ABCA6: variants seen among roughly 807,000 people sequenced by gnomAD.
ABCA6 encodes the protein ATP-binding cassette sub-family A member 6.
A neutral mutation model predicts 191.2 loss-of-function variants in ABCA6; 164 were observed. That is an observed-to-expected ratio of 0.86 (90% CI 0.76 to 0.98). The LOEUF is 0.98. Among genes scored for constraint, ABCA6 ranks in the 50% least tolerant of loss-of-function variants. ABCA6 has a pLI of 0.00. For missense variants in ABCA6, 1,958 were observed against 1,894.1 expected, an observed-to-expected ratio of 1.03 and a Z score of -0.63; for synonymous variants, 636 against 647.7, an observed-to-expected ratio of 0.98 and a Z score of 0.27.
At chr17:69,107,888 A>G in intron 17 of ABCA6, 76 bp from the exon 18 acceptor site, 1 of 868,752 alleles carries the variant, frequency 1.2e-6, no homozygotes. Context: ...ATACTTATTT[A>G]AAAGACAATA....
chr17:69,092,235 A>T (rs981118822), intron 25 of ABCA6, among the ~76,000 whole-genome samples: 2 of 152,228 alleles, frequency 1.3e-5, no homozygotes, highest in African/African-American at 4.8e-5. Context: ...TGTACTGATT[A>T]TAATAAAAAT....
chr17:69,137,586 A>C (rs191495243), intron 2 of ABCA6, 86 bp from the exon 3 acceptor site: 513 of 1,269,438 alleles, frequency 4.0e-4, no homozygotes, highest in Non-Finnish European at 5.1e-4. Context: ...GTTGAAAACA[A>C]ATTCCAATTG....
In ABCA6 at chr17:69,081,103, AACGTCTGCC is replaced by A. The variant is rs754028764; in HGVS notation, c.4650_4658del (p.Ala1551_Val1553del). On this transcript the variant is annotated inframe_deletion, in exon 37 of 39. Transcript: ENST00000284425. ...TGTGAAAGGTCTGTGATAGAGGGTAAACGTCTGCCACGGGCAGCTTATAGGTTAACAAAG... is the reference window on the plus strand; with the variant it reads ...TGTGAAAGGTCTGTGATAGAGGGTAAACGGGCAGCTTATAGGTTAACAAAG... 116 of 1,605,498 alleles carry A rather than the reference AACGTCTGCC, an allele frequency of 7.2e-5. No homozygotes were observed. The highest frequency in any genetic ancestry group is 4.1e-4 in the Admixed American group (24 of 58,832).
intron 26 of ABCA6, among the ~76,000 whole-genome samples, chr17:69,090,839 C>A (rs2072907284): frequency 6.6e-6 from 1 of 152,156 alleles, no homozygotes; most frequent in South Asian, 2.1e-4. Flanking sequence ...TGGCATTTGA[C>A]AATGCCTATA....
intron 21 of ABCA6, among the ~76,000 whole-genome samples, chr17:69,101,889 T>C (rs2073190094): frequency 6.6e-6 from 1 of 152,218 alleles, no homozygotes; most frequent in South Asian, 2.1e-4. Context: ...ACATTTTTTA[T>C]AGCATATTTA....
At position 69,135,922 on chromosome 17, in the gene ABCA6, G is replaced by C. The variant is rs570894412; in HGVS notation, c.460+170C>G. On this transcript the variant is annotated intron_variant, in intron 4 of 38. Transcript: ENST00000284425. ...GTTGGATGACTCTACAATTTTTGCA[G>C]TCATCCTGTAGTAGGAACATACGAT... 6.0e-6 allele frequency: 4 copies of C among 662,656 alleles called. No homozygotes were observed. In the East Asian group the frequency reaches 1.1e-4, roughly 18 times the overall value. The allele number at this position is 662,656 out of a possible 1,614,324, so 41.0% of individuals were successfully genotyped here.
chr17:69,132,065 T>C lies in ABCA6; in HGVS notation c.791+1576A>G, dbSNP rs2073873276. 2.6e-5 allele frequency among the ~76,000 whole-genome samples: 4 copies of C among 152,086 alleles called. No individual in the cohort carries two copies. The South Asian group carries it at 8.3e-4, about 32-fold the overall frequency. On this transcript the variant is annotated intron_variant, in intron 6 of 38. Transcript: ENST00000284425. ...AGGTTCCTCTTTTTCTATCTTACAA[T>C]TTATGTATATTAGAATTAAGATTCT...
At position 69,078,969 on chromosome 17, in the gene ABCA6, G is replaced by A. The variant is rs2072558586; in HGVS notation, c.*4C>T. ...ATCAACAAAAAATTACTAGGTTTGA[G>A]GTTTTAAGGTTCATCTGAATGAGGG... On this transcript the variant is annotated 3_prime_UTR_variant, in exon 39 of 39. Coordinates refer to ENST00000284425, the MANE Select transcript of ABCA6 (RefSeq NM_080284.3). The A allele has an allele frequency of 6.3e-7, 1 of 1,592,566 alleles. No homozygotes were observed. The highest frequency in any genetic ancestry group is 1.3e-5 in the African/African-American group (1 of 74,094).
At chr17:69,133,957 G>T in intron 5 of ABCA6, 90 bp from the exon 6 acceptor site, 1 of 928,762 alleles carries the variant, frequency 1.1e-6, no homozygotes, top group Admixed American at 3.0e-5. Flanking sequence ...ACTTATGTCG[G>T]TTCTCCAATT....
At chr17:69,091,523 C>CTTTTTTTTTTTTTTTT (rs1196866549) in intron 25 of ABCA6, among the ~76,000 whole-genome samples, 1 of 76,392 alleles carries the variant, frequency 1.3e-5, no homozygotes, top group African/African-American at 6.8e-5. Context: ...AAATAGACTT[C>CTTTTTTTTTTTTTTTT]TTTTTTTTTT....
In ABCA6 at chr17:69,084,483, A is replaced by T. The variant is rs777188865; in HGVS notation, c.4209T>A (p.His1403Gln). 18 of 1,614,052 alleles carry T rather than the reference A, an allele frequency of 1.1e-5. No homozygotes were observed. In the East Asian group the frequency reaches 4.0e-4, roughly 36 times the overall value. Residue 1403 changes from histidine to glutamine, a missense_variant, in exon 33 of 39, where the codon CAT (histidine) becomes CAA (glutamine). Transcript: ENST00000284425. ...TCTGCACAGGAACATTCAGCTGCTC[A>T]TGCAGTTTGAAAGCACTCACTAATC... ...IARLVSAFKL[H>Q]EQLNVPVQKL...
intron 8 of ABCA6, 69 bp from the exon 9 acceptor site, chr17:69,125,104 G>C (rs1360522096): frequency 2.3e-6 from 2 of 869,278 alleles, no homozygotes; most frequent in African/African-American, 3.5e-5. Context: ...GCAGGAAAAA[G>C]TATTAATTTA....
In ABCA6 at chr17:69,102,757, C is replaced by G. The variant is rs554876568; in HGVS notation, c.2874+78G>C. 43 of 1,365,652 alleles carry G rather than the reference C, an allele frequency of 3.1e-5. No homozygotes were observed. In the African/African-American group the frequency reaches 5.3e-4, roughly 17 times the overall value. The allele number at this position is 1,365,652 out of a possible 1,614,324, so 84.6% of individuals were successfully genotyped here. On this transcript the variant is annotated intron_variant, in intron 21 of 38. Coordinates refer to ENST00000284425, the MANE Select transcript of ABCA6 (RefSeq NM_080284.3). ...TCTGAGTCAAGTTTCTGTATACTAG[C>G]TTTAATTTCTGCAGTTTTAAAACAG...
intron 2 of ABCA6, among the ~76,000 whole-genome samples, chr17:69,138,064 T>C (rs1169265601): frequency 6.6e-6 from 1 of 152,146 alleles, no homozygotes. Flanking sequence ...AGAAGTGATA[T>C]GCACTACTTC....
intron 9 of ABCA6, among the ~76,000 whole-genome samples, chr17:69,124,208 T>C (rs1391676584): frequency 1.3e-5 from 2 of 152,042 alleles, no homozygotes; most frequent in East Asian, 3.9e-4. Flanking sequence ...CCTTCACATA[T>C]CAACCAGAAG....
At position 69,127,482 on chromosome 17, in the gene ABCA6, A is replaced by C. The variant is rs114243435; in HGVS notation, c.1119+1137T>G. ...CAAAGAACTGGATAGGTAATTTATA[A>C]AAAAGAAAATTCGTAATCCACTAAG... On this transcript the variant is annotated intron_variant, in intron 8 of 38. Coordinates refer to ENST00000284425, the MANE Select transcript of ABCA6 (RefSeq NM_080284.3). Among the ~76,000 whole-genome samples, 1,381 of 152,190 alleles carry C rather than the reference A, an allele frequency of 9.1e-3. 12 individuals carry two copies. The highest frequency in any genetic ancestry group is 0.031 in the African/African-American group (1,269 of 41,554).
In ABCA6 at chr17:69,133,653, T is replaced by C. The variant is rs746866632; in HGVS notation, c.779A>G (p.Asp260Gly). Residue 260 changes from aspartate (D) to glycine (G), a missense_variant, in exon 6 of 39, where the codon GAT becomes GGT. Coordinates refer to ENST00000284425, the MANE Select transcript of ABCA6 (RefSeq NM_080284.3). ...ATTAGTCACTCACCAGAATGCTGAATCTTGGAGACCCATCATTTTCATCAA... is the reference window on the plus strand; with the variant it reads ...ATTAGTCACTCACCAGAATGCTGAACCTTGGAGACCCATCATTTTCATCAA... ...KNLMKMMGLQDSAFWLSWGLI... is the reference protein window; with the variant it reads ...KNLMKMMGLQGSAFWLSWGLI... 9.5e-6 allele frequency: 15 copies of C among 1,586,964 alleles called. No individual in the cohort carries two copies. Among genetic ancestry groups the C allele is most frequent in the Non-Finnish European group, 1.3e-5 (15 of 1,162,938 alleles).
intron 25 of ABCA6, among the ~76,000 whole-genome samples, chr17:69,091,523 CTTTT>C (rs1196866549): frequency 2.6e-5 from 2 of 76,388 alleles, no homozygotes; most frequent in Admixed American, 1.1e-4. Flanking sequence ...AAATAGACTT[CTTTT>C]TTTTTTTTTT....
Position 69,102,976 on chromosome 17 carries a change from GAAGTT to G in ABCA6, c.2741-13_2741-9del. The G allele has an allele frequency of 6.8e-7, 1 of 1,478,738 alleles. No homozygotes were observed. Among genetic ancestry groups the G allele is most frequent in the Non-Finnish European group, 9.3e-7 (1 of 1,076,874 alleles). 91.6% of individuals were successfully genotyped at this position (1,478,738 alleles called of 1,614,324 possible). ...AATCTTCAATATTTGATTCTAATAT[GAAGTT>G]AATAAGAGAAGGCCATAGAAAAGTA... On this transcript the variant is annotated splice_polypyrimidine_tract_variant and intron_variant, in intron 20 of 38. Coordinates refer to ENST00000284425, the MANE Select transcript of ABCA6 (RefSeq NM_080284.3).
Sources: allele counts gnomAD v4.1 joint callset (sites outside exome capture counted in the v4.1 genomes callset), GRCh38; gene constraint gnomAD v4.1.1; transcripts MANE v1.5; gene names NCBI Gene and HGNC (gene_info 2026-07-23, HGNC 2026-07-21).